Variants in NNT observed in about 807,000 individuals in gnomAD.
NNT encodes NAD(P) transhydrogenase, mitochondrial.
Under a neutral mutation model 104.8 loss-of-function variants are expected in NNT, and 50 were observed. The observed-to-expected ratio is 0.48, with a 90% CI of 0.38 to 0.60. The LOEUF is 0.60. NNT is among the 20% of genes least tolerant of loss of function. NNT has a pLI of 0.00. For synonymous variants in NNT, 461 were observed against 490.4 expected (o/e 0.94, Z 0.79); for missense variants, 1,131 against 1,330.7 (o/e 0.85, Z 2.33).
chr5:43,638,245 A>G (rs1751042519), intron 7 of NNT, among the ~76,000 whole-genome samples: 1 of 152,162 alleles, frequency 6.6e-6, no homozygotes, highest in African/African-American at 2.4e-5. Context: ...CCTTTCATTT[A>G]TAAATCACCC....
intron 17 of NNT, chr5:43,666,833 C>T: frequency 2.2e-6 from 3 of 1,393,460 alleles, no homozygotes; most frequent in East Asian, 2.3e-5. Context: ...GCTGGAGCTG[C>T]AGCCTGGGCC....
At position 43,650,579 on chromosome 5, in the gene NNT, A is replaced by G; in HGVS notation, c.1709A>G (p.Asn570Ser). Residue 570 changes from asparagine to serine, a missense_variant, in exon 12 of 22, where the codon AAC becomes AGC. Asn to Ser is a conservative substitution (Grantham distance 46). Coordinates refer to ENST00000344920, the MANE Select transcript of NNT (RefSeq NM_182977.3). ...CTTGCTGCATTCATATCCTCTGTCA[A>G]CATTGCAGGTATGATGTCAGTGAAA... is the stretch of plus-strand genomic sequence containing the variant. ...AALAAFISSV[N>S]IAGGFLVTQR... The G allele has an allele frequency of 6.2e-7, 1 of 1,612,074 alleles. No homozygotes were observed. Among genetic ancestry groups the G allele is most frequent in the Non-Finnish European group, 8.5e-7 (1 of 1,178,164 alleles).
chr5:43,657,559 A>G (rs908299557), intron 16 of NNT, among the ~76,000 whole-genome samples: 1 of 152,202 alleles, frequency 6.6e-6, no homozygotes, highest in Non-Finnish European at 1.5e-5. Context: ...ACACATAGCA[A>G]TTGCTTATGA....
chr5:43,627,903 G>A (rs924116007), intron 6 of NNT, among the ~76,000 whole-genome samples: 22 of 152,042 alleles, frequency 1.4e-4, no homozygotes, highest in African/African-American at 3.6e-4. Context: ...CATCCACATC[G>A]GGGTCATAAG....
intron 17 of NNT, among the ~76,000 whole-genome samples, chr5:43,668,313 T>A (rs1470386110): frequency 6.6e-6 from 1 of 152,204 alleles, no homozygotes; most frequent in South Asian, 2.1e-4. Context: ...TTTTGGCTTT[T>A]GTTGCCATTG....
chr5:43,698,974 G>T (rs1230947918), intron 19 of NNT, among the ~76,000 whole-genome samples: 1 of 151,636 alleles, frequency 6.6e-6, no homozygotes, highest in Non-Finnish European at 1.5e-5. Flanking sequence ...GGCTGAGGTT[G>T]GATGGATCTC....
intron 20 of NNT, among the ~76,000 whole-genome samples, chr5:43,702,133 T>C (rs1742880227): frequency 6.6e-6 from 1 of 152,194 alleles, no homozygotes; most frequent in Non-Finnish European, 1.5e-5. Flanking sequence ...CACTTGTCAA[T>C]TATTGCATTG....
chr5:43,679,870 T>C (rs1431017301), intron 19 of NNT, among the ~76,000 whole-genome samples: 1 of 151,982 alleles, frequency 6.6e-6, no homozygotes, highest in Non-Finnish European at 1.5e-5. Flanking sequence ...ATAGTTCAAA[T>C]AATTTTATAA....
intron 17 of NNT, among the ~76,000 whole-genome samples, chr5:43,672,006 C>A (rs1240449904): frequency 1.3e-5 from 2 of 152,156 alleles, no homozygotes; most frequent in African/African-American, 4.8e-5. Flanking sequence ...TTTCTCTAAA[C>A]TTCTCTTCTC....
intron 10 of NNT, among the ~76,000 whole-genome samples, chr5:43,648,720 A>G (rs1200024273): frequency 2.6e-5 from 4 of 152,194 alleles, no homozygotes; most frequent in Non-Finnish European, 4.4e-5. Context: ...TTGCCTTCAT[A>G]AAAGTCTTGT....
intron 18 of NNT, 139 bp downstream of exon 18, chr5:43,675,809 A>G (rs919269164): frequency 2.7e-5 from 17 of 638,834 alleles, no homozygotes; most frequent in African/African-American, 2.6e-4. Flanking sequence ...ATCTATGATT[A>G]CTAAGTGAAA....
At chr5:43,664,710 T>C (rs1174851980) in intron 17 of NNT, among the ~76,000 whole-genome samples, 1 of 151,856 alleles carries the variant, frequency 6.6e-6, no homozygotes, top group African/African-American at 2.4e-5. Flanking sequence ...CATAGGATAG[T>C]CTCATTAATC....
chr5:43,690,614 G>T (rs182245781), intron 19 of NNT, among the ~76,000 whole-genome samples: 37 of 152,254 alleles, frequency 2.4e-4, no homozygotes, highest in African/African-American at 8.9e-4. Context: ...AGTTATTCTG[G>T]AAATCCTGGG....
chr5:43,616,145 A>T lies in NNT; in HGVS notation c.599+80A>T. The T allele has an allele frequency of 8.8e-6, 10 of 1,133,346 alleles. No individual in the cohort carries two copies. In the South Asian group the frequency reaches 1.4e-4, roughly 15 times the overall value. 70.2% of individuals were successfully genotyped at this position (1,133,346 alleles called of 1,614,324 possible). Reference sequence around the variant, plus strand: ...TCACACTGTAGCTCTTCTGTCTTACAGTGATTTTATTTGTAATTATTGTTG... The same window carrying T: ...TCACACTGTAGCTCTTCTGTCTTACTGTGATTTTATTTGTAATTATTGTTG... On this transcript the variant is annotated intron_variant, in intron 4 of 21. Coordinates refer to ENST00000344920, the MANE Select transcript of NNT (RefSeq NM_182977.3).
chr5:43,690,385 A>G (rs571067674), intron 19 of NNT, among the ~76,000 whole-genome samples: 2 of 152,346 alleles, frequency 1.3e-5, no homozygotes, highest in East Asian at 3.9e-4. Context: ...GTCATGTAGA[A>G]CAACGATTCT....
chr5:43,625,640 T>A (rs1750321564), intron 6 of NNT, among the ~76,000 whole-genome samples: 1 of 152,166 alleles, frequency 6.6e-6, no homozygotes, highest in African/African-American at 2.4e-5. Flanking sequence ...TGCCCAATGG[T>A]ATTTAAATGG....
intron 10 of NNT, among the ~76,000 whole-genome samples, chr5:43,646,702 T>G (rs1345050535): frequency 1.3e-5 from 2 of 152,210 alleles, no homozygotes; most frequent in African/African-American, 4.8e-5. Context: ...GTTGTGATTA[T>G]CTGCACACAT....
At chr5:43,677,416 G>C (rs577971243) in intron 18 of NNT, among the ~76,000 whole-genome samples, 2 of 151,430 alleles carry the variant, frequency 1.3e-5, no homozygotes, top group East Asian at 3.9e-4. Flanking sequence ...GAGAGAGAGA[G>C]AGAGAGAGAG....
rs548093873 is a variant in NNT at position 43,697,166 on chromosome 5, G to A, written c.2877-2953G>A. On this transcript the variant is annotated intron_variant, in intron 19 of 21. Coordinates refer to ENST00000344920, the MANE Select transcript of NNT (RefSeq NM_182977.3). ...ACTGAATGCCTTTAACAGCACCCAC[G>A]TCAGCTCTTGAATGGTTTGCTGCTC... is the stretch of plus-strand genomic sequence containing the variant. Among the ~76,000 whole-genome samples the A allele has an allele frequency of 1.1e-4, 17 of 152,212 alleles. 1 individual carries two copies. In the South Asian group the frequency reaches 2.1e-3, roughly 19 times the overall value.
Sources: allele counts gnomAD v4.1 joint callset (sites outside exome capture counted in the v4.1 genomes callset), GRCh38; gene constraint gnomAD v4.1.1; transcripts MANE v1.5; gene names NCBI Gene and HGNC (gene_info 2026-07-23, HGNC 2026-07-21).